The following MYH11 variants were observed in gnomAD, a reference collection of about 807,000 sequenced individuals.
MYH11 encodes the protein myosin heavy chain 11.
In MYH11, 80 loss-of-function variants were observed where a neutral mutation model predicts 246.6. That is an observed-to-expected ratio of 0.32 (90% CI 0.27 to 0.39). MYH11 has a LOEUF of 0.39. Among genes scored for constraint, MYH11 ranks in the 10% least tolerant of loss-of-function variants. The pLI is 1.00. For synonymous variants in MYH11, 1,071 were observed against 1,015.5 expected, an observed-to-expected ratio of 1.05 and a Z score of -1.04; for missense variants, 2,158 against 2,546.8, an observed-to-expected ratio of 0.85 and a Z score of 3.29.
chr16:15,852,597 C>T (rs1164910587), intron 1 of MYH11, among the ~76,000 whole-genome samples: 1 of 152,026 alleles, frequency 6.6e-6, no homozygotes, highest in Non-Finnish European at 1.5e-5. Flanking sequence ...CTGCGGCCTC[C>T]CAAAGTGCTG....
rs747592989 is a variant in MYH11, at chr16:15,771,613, A to G, written c.989T>C (p.Val330Ala). The G allele has an allele frequency of 6.2e-7, 1 of 1,613,868 alleles. No individual in the cohort carries two copies. Among genetic ancestry groups the G allele is most frequent in the Non-Finnish European group, 8.5e-7 (1 of 1,179,954 alleles). ...GAAACCCATGATTGCCATGGCCTCCACGGTTTCCTGGAACATCTCATCATC... is the reference window on the plus strand; with the variant it reads ...GAAACCCATGATTGCCATGGCCTCCGCGGTTTCCTGGAACATCTCATCATC... Reference protein sequence around the residue: ...AQDDEMFQETVEAMAIMGFSE... With the variant: ...AQDDEMFQETAEAMAIMGFSE... The change falls in exon 9 of 41, where the codon GTG becomes GCG. Residue 330 changes from valine to alanine, a missense_variant. By Grantham distance (64) the Val-to-Ala change is moderately conservative. Coordinates refer to ENST00000300036, the MANE Select transcript of MYH11 (RefSeq NM_002474.3).
intron 40 of MYH11, 69 bp from the exon 41 acceptor site, chr16:15,704,192 T>C (rs1012172524): frequency 8.3e-5 from 132 of 1,593,068 alleles, no homozygotes; most frequent in Non-Finnish European, 1.1e-4. Context: ...TTTTTATAAA[T>C]CTATTTTAAA....
At chr16:15,786,545 T>A (rs1174074686) in intron 5 of MYH11, 85 bp downstream of exon 5, 1 of 1,269,132 alleles carries the variant, frequency 7.9e-7, no homozygotes, top group Non-Finnish European at 1.2e-6. Flanking sequence ...GTTCTTGCAA[T>A]GATGTTCTGT....
chr16:15,719,556 G>C (rs1235122587), intron 35 of MYH11, 29 bp downstream of exon 35: 3 of 1,613,292 alleles, frequency 1.9e-6, no homozygotes, highest in Non-Finnish European at 2.5e-6. Flanking sequence ...ACCCGCATCT[G>C]AGGCTCTCCT....
At chr16:15,727,107 C>T (rs985967514) in intron 27 of MYH11, 53 bp from the exon 28 acceptor site, 39 of 1,550,722 alleles carry the variant, frequency 2.5e-5, no homozygotes, top group Admixed American at 8.3e-5. Context: ...GCCGGGAGAA[C>T]GTTTCAGGCC....
At chr16:15,744,431 G>T (rs1414893189) in intron 20 of MYH11, among the ~76,000 whole-genome samples, 4 of 151,808 alleles carry the variant, frequency 2.6e-5, no homozygotes, top group Admixed American at 2.0e-4. Flanking sequence ...TTGACTTTGT[G>T]ATCCACCCGC....
intron 28 of MYH11, chr16:15,725,872 A>G: frequency 2.5e-6 from 1 of 394,240 alleles, no homozygotes; most frequent in Non-Finnish European, 4.5e-6. Flanking sequence ...TGCCCAGAGT[A>G]AGGATCAACA....
intron 27 of MYH11, among the ~76,000 whole-genome samples, chr16:15,729,524 T>C (rs1015520206): frequency 6.0e-5 from 9 of 150,058 alleles, no homozygotes; most frequent in African/African-American, 2.2e-4. Flanking sequence ...AGTGATTCTG[T>C]CTGGGGCCTC....
intron 25 of MYH11, 42 bp downstream of exon 25, chr16:15,737,407 A>G: frequency 6.2e-7 from 1 of 1,604,988 alleles, no homozygotes. Context: ...GGCCCAGGGG[A>G]TACATGGACA....
intron 3 of MYH11, among the ~76,000 whole-genome samples, chr16:15,804,688 C>T (rs1007085254): frequency 1.3e-5 from 2 of 152,168 alleles, no homozygotes; most frequent in African/African-American, 4.8e-5. Flanking sequence ...TAAGCCCTTG[C>T]AACCGCCAAT....
intron 3 of MYH11, among the ~76,000 whole-genome samples, chr16:15,813,194 T>G (rs1294210979): frequency 4.0e-5 from 6 of 151,472 alleles, no homozygotes; most frequent in Non-Finnish European, 8.8e-5. Flanking sequence ...AAACAGTTGT[T>G]TTTTTTTAAT....
chr16:15,790,044 C>T (rs1332940146), intron 4 of MYH11, among the ~76,000 whole-genome samples: 3 of 152,230 alleles, frequency 2.0e-5, no homozygotes, highest in Non-Finnish European at 2.9e-5. Context: ...GTGGCTCACG[C>T]CTGTCATCCC....
chr16:15,718,447 A>C lies in MYH11; in HGVS notation c.5172-9T>G. On this transcript the variant is annotated splice_polypyrimidine_tract_variant and intron_variant, in intron 36 of 40. Coordinates refer to ENST00000300036, the MANE Select transcript of MYH11 (RefSeq NM_002474.3). ...CGTCCTGGAGTGCGTTCCTGGGGGA[A>C]GGGCGGCCATGGTGGGGGCCTCTAC... 6.4e-7 allele frequency: 1 copy of C among 1,553,012 alleles called. No homozygotes were observed. The highest frequency in any genetic ancestry group is 8.7e-7 in the Non-Finnish European group (1 of 1,152,268).
intron 3 of MYH11, among the ~76,000 whole-genome samples, chr16:15,807,427 G>T (rs1008343735): frequency 2.0e-5 from 3 of 152,038 alleles, no homozygotes; most frequent in East Asian, 3.8e-4. Context: ...CAGGTTTTTT[G>T]TTTGTTTGTT....
chr16:15,720,088 C>T lies in MYH11; in HGVS notation c.4953+63G>A, dbSNP rs2075512. On this transcript the variant is annotated intron_variant, in intron 34 of 40. Coordinates refer to ENST00000300036, the MANE Select transcript of MYH11 (RefSeq NM_002474.3). ...TTCCTGGAGCCCGCTCTGCTGACTTCGGTGGCCTGAGGGGAACTGTGCCCT... is the reference window on the plus strand; with the variant it reads ...TTCCTGGAGCCCGCTCTGCTGACTTTGGTGGCCTGAGGGGAACTGTGCCCT... 0.58 allele frequency: 932,976 copies of T among 1,608,058 alleles called. 275,777 individuals are homozygous for T. The highest frequency in any genetic ancestry group is 0.84 in the African/African-American group (63,128 of 74,830).
At chr16:15,852,602 G>T (rs1249117429) in intron 1 of MYH11, among the ~76,000 whole-genome samples, 1 of 152,082 alleles carries the variant, frequency 6.6e-6, no homozygotes, top group Non-Finnish European at 1.5e-5. Flanking sequence ...GCCTCCCAAA[G>T]TGCTGGGATT....
At chr16:15,729,762 A>G (rs1456036680) in intron 27 of MYH11, among the ~76,000 whole-genome samples, 1 of 151,796 alleles carries the variant, frequency 6.6e-6, no homozygotes, top group Non-Finnish European at 1.5e-5. Flanking sequence ...TGTTGGCCAG[A>G]CTGGTCTCAA....
At chr16:15,849,885 G>A (rs2044287190) in intron 1 of MYH11, among the ~76,000 whole-genome samples, 1 of 152,046 alleles carries the variant, frequency 6.6e-6, no homozygotes, top group Non-Finnish European at 1.5e-5. Context: ...TCTGGGCCTT[G>A]TATTTTTCAT....
intron 19 of MYH11, among the ~76,000 whole-genome samples, chr16:15,746,823 C>T (rs941572718): frequency 1.3e-5 from 2 of 152,186 alleles, no homozygotes; most frequent in African/African-American, 4.8e-5. Flanking sequence ...CGCAGTGGGT[C>T]ATGCCTATAA....
Sources: allele counts gnomAD v4.1 joint callset (sites outside exome capture counted in the v4.1 genomes callset), GRCh38; gene constraint gnomAD v4.1.1; transcripts MANE v1.5; gene names NCBI Gene and HGNC (gene_info 2026-07-23, HGNC 2026-07-21).